Variants in SVOPL observed in about 807,000 individuals in gnomAD.
SVOPL encodes putative transporter SVOPL.
In SVOPL, 60 loss-of-function variants were observed where a neutral mutation model predicts 61.0. The observed-to-expected ratio is 0.98, with a 90% CI of 0.80 to 1.22. SVOPL has a LOEUF of 1.22. SVOPL is among the 50% of genes most tolerant of loss of function. The probability of loss-of-function intolerance (pLI) is 0.00; values close to 1 mark genes in which losing one functional copy is unlikely to be tolerated. For missense variants in SVOPL, 662 were observed against 643.9 expected, an observed-to-expected ratio of 1.03 and a Z score of -0.30; for synonymous variants, 279 against 250.0, an observed-to-expected ratio of 1.12 and a Z score of -1.09.
chr7:138,663,390 C>G, intron 4 of SVOPL: 2 of 1,380,452 alleles, frequency 1.4e-6, no homozygotes, highest in Non-Finnish European at 1.9e-6. Context: ...CTCTGCCGCC[C>G]GCTTGTTGCT....
intron 7 of SVOPL, among the ~76,000 whole-genome samples, chr7:138,650,278 C>G (rs967873057): frequency 1.3e-5 from 2 of 152,050 alleles, no homozygotes; most frequent in South Asian, 4.1e-4. Flanking sequence ...GTTAGTAGGG[C>G]TTGTGATTGG....
At chr7:138,618,812 AGAAAAT>A (rs904243824) in intron 14 of SVOPL, among the ~76,000 whole-genome samples, 10 of 152,144 alleles carry the variant, frequency 6.6e-5, no homozygotes, top group Non-Finnish European at 1.3e-4. Flanking sequence ...GAAAACAAAA[AGAAAAT>A]GAAAATGAAA....
Position 138,621,039 on chromosome 7 carries a change from G to T in SVOPL, c.1353+7C>A. 6.2e-7 allele frequency: 1 copy of T among 1,613,040 alleles called. No individual in the cohort carries two copies. The highest frequency in any genetic ancestry group is 8.5e-7 in the Non-Finnish European group (1 of 1,179,454). On this transcript the variant is annotated splice_region_variant and intron_variant, in intron 14 of 15. Coordinates refer to ENST00000674285, the MANE Select transcript of SVOPL (RefSeq NM_001139456.2). ...TCTCTCTCTCCCTGCAGGGTCCTTG[G>T]CTGTACCTGGGATATAAATGGTGCC...
chr7:138,633,870 C>G (rs1466604024), intron 9 of SVOPL, among the ~76,000 whole-genome samples: 1 of 152,158 alleles, frequency 6.6e-6, no homozygotes, highest in Admixed American at 6.6e-5. Flanking sequence ...GTGATGTCCT[C>G]GGCAACAAAT....
intron 6 of SVOPL, among the ~76,000 whole-genome samples, chr7:138,658,492 G>C (rs941334622): frequency 1.2e-4 from 19 of 152,032 alleles, no homozygotes; most frequent in African/African-American, 4.6e-4. Context: ...TGCTGTCCAG[G>C]CTGGTCTTGA....
At chr7:138,674,963 C>T (rs564627885) in intron 3 of SVOPL, among the ~76,000 whole-genome samples, 2 of 152,172 alleles carry the variant, frequency 1.3e-5, no homozygotes, top group East Asian at 1.9e-4. Flanking sequence ...CTAGTCACAC[C>T]TACTTGTCCC....
intron 14 of SVOPL, among the ~76,000 whole-genome samples, chr7:138,599,443 C>T (rs1433526587): frequency 6.6e-6 from 1 of 152,102 alleles, no homozygotes; most frequent in Non-Finnish European, 1.5e-5. Flanking sequence ...TTTATTATAA[C>T]AGGGAAATGT....
intron 1 of SVOPL, among the ~76,000 whole-genome samples, chr7:138,686,405 CAAAAAAAA>C (rs200553829): frequency 1.0e-4 from 9 of 88,710 alleles, no homozygotes; most frequent in African/African-American, 3.4e-4. Context: ...GACTCCGCCT[CAAAAAAAA>C]AAAAAAAAAA....
At chr7:138,646,806 A>G (rs936860980) in intron 8 of SVOPL, among the ~76,000 whole-genome samples, 5 of 152,184 alleles carry the variant, frequency 3.3e-5, no homozygotes, top group African/African-American at 7.2e-5. Context: ...AACATGAGCC[A>G]CCATGTCTGG....
intron 13 of SVOPL, among the ~76,000 whole-genome samples, chr7:138,621,878 C>CTATGTATCTATCTATGTATCTATCTATG (rs1563095609): frequency 2.3e-5 from 1 of 43,394 alleles, no homozygotes; most frequent in Non-Finnish European, 4.8e-5. Context: ...ATCTATCTAT[C>CTATGTATCTATCTATGTATCTATCTATG]TATCTATCTA....
chr7:138,623,283 A>G (rs1799749481), intron 13 of SVOPL, among the ~76,000 whole-genome samples: 1 of 152,090 alleles, frequency 6.6e-6, no homozygotes, highest in African/African-American at 2.4e-5. Context: ...TTAGTTACAC[A>G]CCTCTTTTAA....
At position 138,684,256 on chromosome 7, in the gene SVOPL, T is replaced by C. The variant is rs1332813133; in HGVS notation, c.-34-5177A>G. On this transcript the variant is annotated intron_variant, in intron 1 of 15. Transcript: ENST00000674285. ...GGTGGGTGCCTGTAATCCCAGCTAC[T>C]CGGGAGGCTGAGGCGGGAGAATCAC... Among the ~76,000 whole-genome samples the C allele has an allele frequency of 4.6e-5, 7 of 150,938 alleles. No individual in the cohort carries two copies. In the East Asian group the frequency reaches 1.4e-3, roughly 30 times the overall value.
At chr7:138,696,649 C>A (rs1419149685) in intron 1 of SVOPL, among the ~76,000 whole-genome samples, 1 of 152,070 alleles carries the variant, frequency 6.6e-6, no homozygotes, top group Non-Finnish European at 1.5e-5. Flanking sequence ...GTTTTGAATT[C>A]CTGACCTCAG....
chr7:138,658,452 GT>G (rs1256344843), intron 6 of SVOPL, among the ~76,000 whole-genome samples: 1 of 151,966 alleles, frequency 6.6e-6, no homozygotes, highest in Admixed American at 6.6e-5. Flanking sequence ...TTGTTTGTTT[GT>G]TTGTTTTTGT....
chr7:138,597,101 T>C (rs1421433103), intron 14 of SVOPL: 2 of 1,258,698 alleles, frequency 1.6e-6, no homozygotes, highest in African/African-American at 1.5e-5. Flanking sequence ...TCTGTACACA[T>C]GCTTTGGCCT....
chr7:138,652,618 T>A (rs1297476935), intron 7 of SVOPL, among the ~76,000 whole-genome samples: 13 of 6,242 alleles, frequency 2.1e-3, no homozygotes, highest in East Asian at 7.8e-3. Flanking sequence ...GAAAAGTTCT[T>A]TTTTTTTTTC....
At chr7:138,692,365 G>T (rs1802961174) in intron 1 of SVOPL, among the ~76,000 whole-genome samples, 2 of 152,042 alleles carry the variant, frequency 1.3e-5, no homozygotes, top group South Asian at 4.2e-4. Context: ...GGTGGGCAAG[G>T]CCAGAAGCAC....
At chr7:138,595,347 G>A (rs1798236546) in intron 15 of SVOPL, among the ~76,000 whole-genome samples, 1 of 152,132 alleles carries the variant, frequency 6.6e-6, no homozygotes, top group Admixed American at 6.6e-5. Flanking sequence ...TGTATTTTAA[G>A]ATTTTTCCCA....
intron 14 of SVOPL, chr7:138,597,200 A>G (rs1262914572): frequency 7.8e-7 from 1 of 1,289,426 alleles, no homozygotes; most frequent in Non-Finnish European, 1.0e-6. Context: ...TTCTCCATTA[A>G]TCTCACAACG....
Sources: allele counts gnomAD v4.1 joint callset (sites outside exome capture counted in the v4.1 genomes callset), GRCh38; gene constraint gnomAD v4.1.1; transcripts MANE v1.5; gene names NCBI Gene and HGNC (gene_info 2026-07-23, HGNC 2026-07-21).